Variants in YWHAB observed in about 807,000 individuals in gnomAD.
The protein encoded by YWHAB is 14-3-3 protein beta/alpha.
YWHAB carries 2 observed loss-of-function variants against 28.5 expected under a neutral mutation model. The observed-to-expected ratio is 0.07, with a 90% confidence interval of 0.03 to 0.22. The LOEUF is 0.22. YWHAB is among the 10% of genes least tolerant of loss of function. The pLI, the probability that YWHAB is intolerant of heterozygous loss-of-function variation, is 1.00. For synonymous variants in YWHAB, 103 were observed against 104.7 expected (o/e 0.98, Z 0.10); for missense variants, 148 against 297.1 (o/e 0.50, Z 3.69).
At chr20:44,886,838 C>T (rs573994388) in intron 1 of YWHAB, 15 of 152,288 alleles carry the variant, frequency 9.8e-5, no homozygotes, top group African/African-American at 3.6e-4. Flanking sequence ...ATACATGTTT[C>T]TTGTCGTTGC....
At chr20:44,900,691 TC>T (rs2066621171) in intron 1 of YWHAB, among the ~76,000 whole-genome samples, 1 of 152,212 alleles carries the variant, frequency 6.6e-6, no homozygotes, top group Non-Finnish European at 1.5e-5. Flanking sequence ...AGAGAGGACT[TC>T]CTGTATTACA....
intron 1 of YWHAB, among the ~76,000 whole-genome samples, chr20:44,900,632 A>G (rs1311702457): frequency 6.6e-6 from 1 of 152,174 alleles, no homozygotes; most frequent in East Asian, 1.9e-4. Flanking sequence ...TTCCTGTACT[A>G]TGGAAAAAAC....
chr20:44,901,755 T>C lies in YWHAB; in HGVS notation c.222T>C (p.Asn74=), dbSNP rs576686193. Residue 74 remains asparagine, a synonymous_variant, in exon 2 of 6, where the codon AAT becomes AAC. Coordinates refer to ENST00000353703, the MANE Select transcript of YWHAB (RefSeq NM_139323.4). ...GCATTGAGCAGAAAACAGAGAGGAA[T>C]GAGAAGAAGCAGCAGATGGGCAAAG... The part of the protein sequence containing the change: ...ISSIEQKTER[N]EKKQQMGKEY... The C allele has an allele frequency of 1.9e-5, 31 of 1,613,692 alleles. No homozygotes were observed. In the South Asian group the frequency reaches 3.2e-4, roughly 17 times the overall value.
At chr20:44,894,651 GA>G (rs1228522120) in intron 1 of YWHAB, among the ~76,000 whole-genome samples, 1 of 152,212 alleles carries the variant, frequency 6.6e-6, no homozygotes, top group East Asian at 1.9e-4. Context: ...TCGTGGAGAA[GA>G]ATAATAGTAC....
chr20:44,891,836 A>G (rs1452575059), intron 1 of YWHAB, among the ~76,000 whole-genome samples: 3 of 152,230 alleles, frequency 2.0e-5, no homozygotes, highest in African/African-American at 7.2e-5. Context: ...TATTACAGAT[A>G]TGCTGTGTTT....
At chr20:44,889,945 G>A (rs541356416) in intron 1 of YWHAB, among the ~76,000 whole-genome samples, 139 of 152,268 alleles carry the variant, frequency 9.1e-4, no homozygotes, top group African/African-American at 3.2e-3. Context: ...TCCCAGATCT[G>A]CCATATATAG....
At chr20:44,902,989 C>T in intron 2 of YWHAB, 3 of 942,398 alleles carry the variant, frequency 3.2e-6, no homozygotes, top group Non-Finnish European at 3.8e-6. Flanking sequence ...TTAAGAGCAT[C>T]TGAAAGAATG....
Position 44,906,408 on chromosome 20 carries a change from C to T in YWHAB, c.711C>T (p.Asp237=), listed in dbSNP as rs549102170. 214 of 1,608,296 alleles carry T rather than the reference C, an allele frequency of 1.3e-4. 3 individuals carry two copies. The South Asian group carries it at 2.1e-3, about 16-fold the overall frequency. Residue 237 remains aspartate, a synonymous_variant, in exon 6 of 6, where the codon GAC becomes GAT. Transcript: ENST00000353703. ...TGTGGACATCGGAAAACCAGGGAGA[C>T]GAAGGAGACGCTGGGGAGGGAGAGA... is the stretch of plus-strand genomic sequence containing the variant. ...LTLWTSENQG[D]EGDAGEGEN is the part of the protein sequence containing the mutation.
intron 1 of YWHAB, among the ~76,000 whole-genome samples, chr20:44,893,130 C>G (rs1056894592): frequency 1.3e-5 from 2 of 151,440 alleles, no homozygotes; most frequent in South Asian, 2.1e-4. Flanking sequence ...TTTTTTGATT[C>G]TTCTCCTAGG....
At chr20:44,893,694 CTTTTTTT>C (rs3091859) in intron 1 of YWHAB, among the ~76,000 whole-genome samples, 4 of 103,786 alleles carry the variant, frequency 3.9e-5, no homozygotes, top group South Asian at 3.1e-4. Context: ...CCTCCCCTGC[CTTTTTTT>C]TTTTTTTTTT....
At chr20:44,886,414 A>G (rs958825462) in intron 1 of YWHAB, 1 of 152,266 alleles carries the variant, frequency 6.6e-6, no homozygotes, top group African/African-American at 2.4e-5. Flanking sequence ...CCCATTTTGC[A>G]GTAAAACCAT....
At chr20:44,889,174 C>T (rs1263566120) in intron 1 of YWHAB, among the ~76,000 whole-genome samples, 3 of 152,110 alleles carry the variant, frequency 2.0e-5, no homozygotes, top group African/African-American at 7.2e-5. Context: ...CTTTAGAATC[C>T]TTTTGATCTC....
At chr20:44,900,299 G>A (rs994673700) in intron 1 of YWHAB, among the ~76,000 whole-genome samples, 4 of 152,168 alleles carry the variant, frequency 2.6e-5, no homozygotes, top group Non-Finnish European at 5.9e-5. Context: ...GATCCTAGGC[G>A]TGAGTCACCA....
intron 1 of YWHAB, among the ~76,000 whole-genome samples, chr20:44,897,217 A>C (rs1462876596): frequency 6.6e-6 from 1 of 152,234 alleles, no homozygotes; most frequent in Admixed American, 6.5e-5. Context: ...TTTGGGGCCT[A>C]GTAGAGCTGA....
intron 1 of YWHAB, among the ~76,000 whole-genome samples, chr20:44,891,457 C>T (rs1367081449): frequency 6.6e-6 from 1 of 152,222 alleles, no homozygotes; most frequent in African/African-American, 2.4e-5. Context: ...GTCACATAGC[C>T]TGTGGACTTG....
At chr20:44,895,130 G>T (rs1315114026) in intron 1 of YWHAB, among the ~76,000 whole-genome samples, 1 of 152,236 alleles carries the variant, frequency 6.6e-6, no homozygotes, top group African/African-American at 2.4e-5. Context: ...AGGTAAATCA[G>T]TGAGGGCTAG....
intron 5 of YWHAB, 114 bp from the exon 6 acceptor site, chr20:44,906,268 A>G: frequency 8.2e-7 from 1 of 1,218,970 alleles, no homozygotes. Context: ...CCCTGTCTGC[A>G]GTGACACAGG....
At chr20:44,895,066 T>A (rs376584736) in intron 1 of YWHAB, among the ~76,000 whole-genome samples, 2 of 152,292 alleles carry the variant, frequency 1.3e-5, no homozygotes, top group African/African-American at 4.8e-5. Context: ...CAGAATGGCA[T>A]AAAGAAGTCC....
rs1468564096 is a variant in YWHAB, at chr20:44,885,724, C to G, written c.-166C>G. 2.9e-5 allele frequency: 5 copies of G among 174,838 alleles called. No individual in the cohort carries two copies. The highest frequency in any genetic ancestry group is 5.9e-5 in the Non-Finnish European group (5 of 84,344). 10.8% of individuals were successfully genotyped at this position (174,838 alleles called of 1,614,324 possible). The stretch of plus-strand genomic sequence containing the variant: ...CGGAGCGGAAGTGGAGCTACCGCCA[C>G]CGCCGCCGCCGATTCCGGAGCCGGG... On this transcript the variant is annotated 5_prime_UTR_variant, in exon 1 of 6. Coordinates refer to ENST00000353703, the MANE Select transcript of YWHAB (RefSeq NM_139323.4).
Sources: gnomAD v4.1 joint callset for allele counts (sites outside exome capture counted in the v4.1 genomes callset) on GRCh38, gnomAD v4.1.1 for gene constraint, MANE v1.5 for transcripts, NCBI Gene and HGNC (gene_info 2026-07-23, HGNC 2026-07-21) for gene names.